The following PXDNL variants were observed in gnomAD, a reference collection of about 807,000 sequenced individuals.
The protein encoded by PXDNL is peroxidasin like.
A neutral mutation model predicts 150.8 loss-of-function variants in PXDNL; 145 were observed. The observed-to-expected ratio is 0.96, with a 90% CI of 0.84 to 1.10. PXDNL has a LOEUF of 1.10. Ranked by LOEUF, PXDNL falls within the 50% of genes least tolerant of loss-of-function variation. The pLI, the probability that PXDNL is intolerant of heterozygous loss-of-function variation, is 0.00. For synonymous variants in PXDNL, 757 were observed against 725.7 expected, an observed-to-expected ratio of 1.04 and a Z score of -0.69; for missense variants, 2,087 against 1,873.9, an observed-to-expected ratio of 1.11 and a Z score of -2.10.
chr8:51,780,654 CTTTTTTTTTTTT>C (rs71237240), intron 1 of PXDNL, among the ~76,000 whole-genome samples: 1 of 75,186 alleles, frequency 1.3e-5, no homozygotes, highest in African/African-American at 4.4e-5. Context: ...CTTTTCTTTT[CTTTTTTTTTTTT>C]TTTTTTTTTT....
chr8:51,462,208 A>C (rs1251525516), intron 8 of PXDNL, among the ~76,000 whole-genome samples: 2 of 152,168 alleles, frequency 1.3e-5, no homozygotes, highest in African/African-American at 2.4e-5. Context: ...CAAATGAGTA[A>C]GAATCAGTGC....
rs770252979 is a variant in PXDNL, at chr8:51,408,305, C to A, written c.3319G>T (p.Val1107Leu). 3 of 1,613,960 alleles carry A rather than the reference C, an allele frequency of 1.9e-6. No homozygotes were observed. The highest frequency in any genetic ancestry group is 3.3e-5 in the Admixed American group (2 of 60,026). The change falls in exon 17 of 23, where the codon GTG (valine) becomes TTG (leucine). Residue 1107 changes from valine (V) to leucine (L), a missense_variant. Coordinates refer to ENST00000356297, the MANE Select transcript of PXDNL (RefSeq NM_144651.5). ...IDPVLRGLFG[V>L]AAKWRAPSYL... is the part of the protein sequence containing the mutation. ...GAGGGTGCCCGCCATTTAGCAGCCA[C>A]GCCAAACAGCCCCCGGAGAACCGGG... is the stretch of plus-strand genomic sequence containing the variant.
intron 5 of PXDNL, among the ~76,000 whole-genome samples, chr8:51,489,909 A>G (rs1420995251): frequency 6.6e-6 from 1 of 152,226 alleles, no homozygotes; most frequent in Non-Finnish European, 1.5e-5. Flanking sequence ...AAAAGGAAGA[A>G]TGGAGACCAG....
At position 51,651,659 on chromosome 8, in the gene PXDNL, T is replaced by C. The variant is rs1345006147; in HGVS notation, c.236+3030A>G. Among the ~76,000 whole-genome samples, 4 of 152,206 alleles carry C rather than the reference T, an allele frequency of 2.6e-5. No homozygotes were observed. The East Asian group carries it at 7.7e-4, about 29-fold the overall frequency. On this transcript the variant is annotated intron_variant, in intron 2 of 22. Transcript: ENST00000356297. ...TAAATAGTGGCATGCATTTATTTTA[T>C]TTTTGTGGTATAGTCTAACCTTTTG...
chr8:51,443,765 A>G (rs1299762610), intron 12 of PXDNL, among the ~76,000 whole-genome samples: 1 of 152,254 alleles, frequency 6.6e-6, no homozygotes, highest in Non-Finnish European at 1.5e-5. Flanking sequence ...GTTGAAGTCT[A>G]TGAATAAAAT....
chr8:51,729,335 G>T (rs923581878), intron 1 of PXDNL, among the ~76,000 whole-genome samples: 12 of 151,994 alleles, frequency 7.9e-5, no homozygotes, highest in African/African-American at 2.9e-4. Context: ...ACAAAAAATG[G>T]GTAAAAGCCC....
At chr8:51,544,980 T>G (rs1307930801) in intron 4 of PXDNL, among the ~76,000 whole-genome samples, 1 of 152,202 alleles carries the variant, frequency 6.6e-6, no homozygotes, top group Admixed American at 6.5e-5. Context: ...AAATTGAATT[T>G]CAGAGTTTAT....
chr8:51,614,545 G>A (rs1448793415), intron 2 of PXDNL, among the ~76,000 whole-genome samples: 1 of 152,170 alleles, frequency 6.6e-6, no homozygotes, highest in East Asian at 1.9e-4. Context: ...TTCTGGTTGG[G>A]AGTAGAGATG....
chr8:51,521,085 A>T (rs1811653617), intron 4 of PXDNL, among the ~76,000 whole-genome samples: 1 of 152,090 alleles, frequency 6.6e-6, no homozygotes. Context: ...GCAAAAAAAA[A>T]TTAAAATATT....
chr8:51,637,888 A>G (rs1814642404), intron 2 of PXDNL, among the ~76,000 whole-genome samples: 1 of 152,180 alleles, frequency 6.6e-6, no homozygotes, highest in Non-Finnish European at 1.5e-5. Flanking sequence ...CAACTCCAAG[A>G]CATATAATTG....
chr8:51,786,728 A>G (rs889516013), intron 1 of PXDNL, among the ~76,000 whole-genome samples: 1 of 152,248 alleles, frequency 6.6e-6, no homozygotes, highest in Non-Finnish European at 1.5e-5. Flanking sequence ...GCAGCAAGTT[A>G]TCCAGAAGAC....
intron 5 of PXDNL, 98 bp from the exon 6 acceptor site, chr8:51,483,812 T>G (rs536308394): frequency 2.8e-6 from 2 of 712,100 alleles, no homozygotes; most frequent in Admixed American, 2.9e-5. Context: ...ATACCTTTTT[T>G]GAAATATTTC....
At chr8:51,601,627 C>G (rs1289795337) in intron 2 of PXDNL, among the ~76,000 whole-genome samples, 1 of 152,010 alleles carries the variant, frequency 6.6e-6, no homozygotes, top group Non-Finnish European at 1.5e-5. Flanking sequence ...TGAGTTGAAT[C>G]TCTTGAAGAC....
intron 3 of PXDNL, among the ~76,000 whole-genome samples, chr8:51,561,531 AT>A (rs138740321): frequency 0.024 from 3,666 of 151,692 alleles, 161 homozygotes; most frequent in African/African-American, 0.083. Flanking sequence ...TTTTGAATTA[AT>A]TTTTTTTTAA....
At chr8:51,438,778 T>C (rs183730006) in intron 12 of PXDNL, among the ~76,000 whole-genome samples, 105 of 152,220 alleles carry the variant, frequency 6.9e-4, no homozygotes, top group African/African-American at 2.5e-3. Flanking sequence ...CAAATACTTA[T>C]GGCCCACTGA....
At chr8:51,582,034 T>C (rs73588773) in intron 3 of PXDNL, among the ~76,000 whole-genome samples, 7,758 of 152,222 alleles carry the variant, frequency 0.051, 462 homozygotes, top group African/African-American at 0.15. Flanking sequence ...TTTAAATGTA[T>C]GTGTATATAT....
chr8:51,589,930 C>T (rs1260406476), intron 3 of PXDNL, among the ~76,000 whole-genome samples: 2 of 152,146 alleles, frequency 1.3e-5, no homozygotes, highest in Non-Finnish European at 2.9e-5. Context: ...GATTCAGGTG[C>T]TATTCATCAA....
At chr8:51,704,110 G>A (rs976587170) in intron 1 of PXDNL, among the ~76,000 whole-genome samples, 5 of 152,174 alleles carry the variant, frequency 3.3e-5, no homozygotes, top group Admixed American at 2.6e-4. Flanking sequence ...CTCCCATAGA[G>A]ATGCAATCAC....
intron 2 of PXDNL, among the ~76,000 whole-genome samples, chr8:51,604,024 T>G (rs1354161051): frequency 1.3e-5 from 2 of 152,184 alleles, no homozygotes; most frequent in Non-Finnish European, 2.9e-5. Context: ...ACTGTCAACA[T>G]ATTATAATTG....
Sources: allele counts gnomAD v4.1 joint callset (sites outside exome capture counted in the v4.1 genomes callset), GRCh38; gene constraint gnomAD v4.1.1; transcripts MANE v1.5; gene names NCBI Gene and HGNC (gene_info 2026-07-23, HGNC 2026-07-21).